The following ACAN variants were observed in gnomAD, a reference collection of about 807,000 sequenced individuals.
ACAN encodes aggrecan, also known as aggrecan core protein.
ACAN carries 47 observed loss-of-function variants against 169.1 expected under a neutral mutation model. The ratio of observed to expected loss-of-function variants is 0.28; its 90% CI spans 0.22 to 0.35. ACAN has a LOEUF of 0.35. Ranked by LOEUF, ACAN falls within the 10% of genes least tolerant of loss-of-function variation. The pLI is 1.00. For missense variants in ACAN, 2,716 were observed against 2,759.9 expected, an observed-to-expected ratio of 0.98 and a Z score of 0.36; for synonymous variants, 1,115 against 1,112.2, an observed-to-expected ratio of 1.00 and a Z score of -0.05.
chr15:88,872,886 T>G lies in ACAN; in HGVS notation c.7308T>G (p.Phe2436Leu). The G allele has an allele frequency of 6.2e-7, 1 of 1,613,476 alleles. No individual in the cohort carries two copies. The highest frequency in any genetic ancestry group is 8.5e-7 in the Non-Finnish European group (1 of 1,179,860). ...FRWSDGHPMQ[F>L]ENWRPNQPDN... ...TTCCCCACTCCCACCCACAGCAATT[T>G]GAGAACTGGCGCCCCAACCAGCCTG... Residue 2436 changes from phenylalanine (F) to leucine (L), a missense_variant, in exon 17 of 19, where the codon TTT becomes TTG. Phe to Leu is a conservative substitution (Grantham distance 22, BLOSUM62 0). Transcript: ENST00000560601. The surrounding 1 kb of genome is among the most constrained non-coding windows in gnomAD (Gnocchi z 5.4).
rs770783402 is a variant in ACAN at position 88,857,005 on chromosome 15, G to A, written c.4420G>A (p.Gly1474Arg). Reference protein sequence around the residue: ...VGDLSGLPSGGEVLEISVSGV... With the variant: ...VGDLSGLPSGREVLEISVSGV... Reference sequence around the variant, plus strand: ...GGACCTCAGTGGACTTCCTTCTGGAGGAGAAGTTCTAGAGATTTCTGTCTC... The same window carrying A: ...GGACCTCAGTGGACTTCCTTCTGGAAGAGAAGTTCTAGAGATTTCTGTCTC... Residue 1474 changes from glycine (G) to arginine (R), a missense_variant, in exon 12 of 19, where the codon GGA becomes AGA. Physicochemically the swap from Gly to Arg is moderately radical, Grantham distance 125. Coordinates refer to ENST00000560601, the MANE Select transcript of ACAN (RefSeq NM_001369268.1). 7.4e-6 allele frequency: 12 copies of A among 1,613,246 alleles called. No homozygotes were observed. Among genetic ancestry groups the A allele is most frequent in the Non-Finnish European group, 9.3e-6 (11 of 1,179,442 alleles).
chr15:88,843,898 C>T lies in ACAN; in HGVS notation c.1051+250C>T, dbSNP rs1401694331. Among the ~76,000 whole-genome samples, 1 of 152,172 alleles carries T rather than the reference C, an allele frequency of 6.6e-6. No individual in the cohort carries two copies. Among genetic ancestry groups the T allele is most frequent in the African/African-American group, 2.4e-5 (1 of 41,442 alleles). On this transcript the variant is annotated intron_variant, in intron 6 of 18. Transcript: ENST00000560601. The surrounding 1 kb of genome is among the most constrained non-coding windows in gnomAD (Gnocchi z 4.0). ...AGCACAGACGAGGCTTAAAAACCTCCAAACTGTTTTCTCCAGTTTGAATCA... is the reference window on the plus strand; with the variant it reads ...AGCACAGACGAGGCTTAAAAACCTCTAAACTGTTTTCTCCAGTTTGAATCA...
At position 88,855,124 on chromosome 15, in the gene ACAN, C is replaced by G. The variant is rs372267862; in HGVS notation, c.2539C>G (p.Pro847Ala). 2.9e-5 allele frequency: 47 copies of G among 1,607,296 alleles called. No homozygotes were observed. Among genetic ancestry groups the G allele is most frequent in the Non-Finnish European group, 3.7e-5 (43 of 1,176,444 alleles). ...ASEEPYTPSP[P>A]VPSWTELPSS... Reference sequence around the variant, plus strand: ...GGAAGAGCCGTATACACCTTCACCCCCCGTGCCCAGCTGGACTGAGCTGCC... The same window carrying G: ...GGAAGAGCCGTATACACCTTCACCCGCCGTGCCCAGCTGGACTGAGCTGCC... Residue 847 changes from proline to alanine, a missense_variant, in exon 12 of 19, where the codon CCC (proline) becomes GCC (alanine). Pro to Ala is a conservative substitution (Grantham distance 27). Around this residue, in one of 3 missense-constraint regions of ACAN, gnomAD observed 1,283 missense variants for 1,281.5 expected, o/e 1.00. Coordinates refer to ENST00000560601, the MANE Select transcript of ACAN (RefSeq NM_001369268.1).
chr15:88,858,931 G>A lies in ACAN; in HGVS notation c.6346G>A (p.Ala2116Thr), dbSNP rs747312001. The A allele has an allele frequency of 2.7e-5, 44 of 1,609,588 alleles. No individual in the cohort carries two copies. Among genetic ancestry groups the A allele is most frequent in the Admixed American group, 2.0e-4 (12 of 59,778 alleles). ...TGAAGCTGGGTTCGGGGCATCTGCC[G>A]CCCCTGAGGCCAGCAGAGAAGATTC... ...YPEAGFGASA[A>T]PEASREDSGS... The change falls in exon 12 of 19, where the codon GCC becomes ACC. Residue 2116 changes from alanine (A) to threonine (T), a missense_variant. Transcript: ENST00000560601. The surrounding 1 kb of genome is among the most constrained non-coding windows in gnomAD (Gnocchi z 4.0).
In ACAN at chr15:88,843,776, T is replaced by C; in HGVS notation, c.1051+128T>C. ...GGGGCCACGGGGTACCTGAACCCCA[T>C]GTTTTTAGGACACCCCTCCATTTTC... On this transcript the variant is annotated intron_variant, in intron 6 of 18. Transcript: ENST00000560601. The surrounding 1 kb of genome is among the most constrained non-coding windows in gnomAD (Gnocchi z 4.0). 7.5e-6 allele frequency: 9 copies of C among 1,192,448 alleles called. No homozygotes were observed. Among genetic ancestry groups the C allele is most frequent in the South Asian group, 1.7e-5 (1 of 57,824 alleles). The allele number at this position is 1,192,448 out of a possible 1,614,324, so 73.9% of individuals were successfully genotyped here. A position where few individuals can be genotyped will look rare whatever the true frequency, so the allele number is the denominator to read the frequency against.
intron 1 of ACAN, among the ~76,000 whole-genome samples, chr15:88,818,670 G>T (rs911990438): frequency 6.6e-6 from 1 of 152,168 alleles, no homozygotes; most frequent in Non-Finnish European, 1.5e-5. Context: ...GGTTGTGTTG[G>T]ACTCATTGGA....
chr15:88,871,444 G>C lies in ACAN; in HGVS notation c.7123G>C (p.Asp2375His), dbSNP rs772883781. 2.8e-5 allele frequency: 45 copies of C among 1,613,840 alleles called. No homozygotes were observed. In the East Asian group the frequency reaches 6.2e-4, roughly 22 times the overall value. ...YQGHCYRHFP[D>H]RETWVDAERR... ...GGGCCACTGTTACCGCCACTTCCCGGACCGCGAGACCTGGGTGGATGCTGA... is the reference window on the plus strand; with the variant it reads ...GGGCCACTGTTACCGCCACTTCCCGCACCGCGAGACCTGGGTGGATGCTGA... Residue 2375 changes from aspartate to histidine, a missense_variant, in exon 15 of 19, where the codon GAC becomes CAC. Physicochemically the swap from Asp to His is moderately conservative, Grantham distance 81. Transcript: ENST00000560601. This position sits in a 1 kb window ranked among gnomAD's most constrained non-coding sequence, Gnocchi z 7.8.
At chr15:88,831,320 C>T (rs1447707223) in intron 1 of ACAN, among the ~76,000 whole-genome samples, 1 of 152,212 alleles carries the variant, frequency 6.6e-6, no homozygotes, top group Non-Finnish European at 1.5e-5. Context: ...TATCATTAAT[C>T]AATACAGCCA....
intron 1 of ACAN, among the ~76,000 whole-genome samples, chr15:88,811,150 T>A (rs751472422): frequency 2.0e-5 from 3 of 152,224 alleles, no homozygotes; most frequent in Non-Finnish European, 4.4e-5. Flanking sequence ...GAAAAGGATC[T>A]CATCCCTCAG....
Position 88,847,227 on chromosome 15 carries a change from C to T in ACAN, c.1430-16C>T, listed in dbSNP as rs745651058. 3 of 1,533,780 alleles carry T rather than the reference C, an allele frequency of 2.0e-6. No individual in the cohort carries two copies. The highest frequency in any genetic ancestry group is 2.7e-5 in the African/African-American group (2 of 72,788). ...CGTGGGTCCCTGAACCTGACCGCTC[C>T]CTCCTCCCCACCCAGGGGTCGTCTT... On this transcript the variant is annotated splice_polypyrimidine_tract_variant and intron_variant, in intron 7 of 18. Transcript: ENST00000560601.
chr15:88,836,156 A>G, intron 1 of ACAN, 44 bp from the exon 2 acceptor site: 1 of 1,433,420 alleles, frequency 7.0e-7, no homozygotes, highest in Non-Finnish European at 9.8e-7. Context: ...TGACCTCACC[A>G]TGCCTTCACT....
chr15:88,832,303 T>TAA (rs149428400), intron 1 of ACAN, among the ~76,000 whole-genome samples: 3,073 of 137,562 alleles, frequency 0.022, 102 homozygotes, highest in African/African-American at 0.077. Flanking sequence ...GTAGATACCT[T>TAA]AAAAAAAAAA....
Position 88,844,975 on chromosome 15 carries a change from T to C in ACAN, c.1052-530T>C, listed in dbSNP as rs546417185. On this transcript the variant is annotated intron_variant, in intron 6 of 18. Coordinates refer to ENST00000560601, the MANE Select transcript of ACAN (RefSeq NM_001369268.1). ...CCCCTCGAAGCCTCTCTTAACCTTT[T>C]GGTATTCTAACCACTCTTTTGGAAG... Among the ~76,000 whole-genome samples the C allele has an allele frequency of 9.8e-5, 15 of 152,340 alleles. No individual in the cohort carries two copies. In the South Asian group the frequency reaches 3.1e-3, roughly 32 times the overall value.
intron 1 of ACAN, among the ~76,000 whole-genome samples, chr15:88,824,330 ACAAC>A (rs752421375): frequency 1.3e-5 from 2 of 149,618 alleles, no homozygotes; most frequent in African/African-American, 4.9e-5. Flanking sequence ...AAAAAAAAAA[ACAAC>A]AACAACAACA....
intron 1 of ACAN, among the ~76,000 whole-genome samples, chr15:88,824,291 T>C (rs556530618): frequency 0.015 from 2,170 of 149,596 alleles, 55 homozygotes; most frequent in African/African-American, 0.05. Flanking sequence ...GCCACTGCAC[T>C]CCCGGGTGAC....
chr15:88,859,484 A>G, intron 12 of ACAN, 67 bp downstream of exon 12: 2 of 1,546,904 alleles, frequency 1.3e-6, no homozygotes, highest in Non-Finnish European at 1.7e-6. Flanking sequence ...TGCAGCACAG[A>G]AGGAGGCAGC....
At chr15:88,836,858 C>T (rs1233557281) in intron 2 of ACAN, among the ~76,000 whole-genome samples, 4 of 152,176 alleles carry the variant, frequency 2.6e-5, no homozygotes, top group Non-Finnish European at 4.4e-5. Context: ...TGGGCTTGAC[C>T]CCAGAAGGGA....
Position 88,860,318 on chromosome 15 carries a change from G to A in ACAN, c.6833-8G>A, listed in dbSNP as rs1336593473. On this transcript the variant is annotated splice_region_variant and splice_polypyrimidine_tract_variant and intron_variant, in intron 12 of 18. Transcript: ENST00000560601. Reference sequence around the variant, plus strand: ...CTTGATGCTCAACCTCTCCCCTGGGGGTTGCAGCCCCCGCCAGGTCCTGTG... The same window carrying A: ...CTTGATGCTCAACCTCTCCCCTGGGAGTTGCAGCCCCCGCCAGGTCCTGTG... 6.2e-7 allele frequency: 1 copy of A among 1,600,882 alleles called. No individual in the cohort carries two copies. Among genetic ancestry groups the A allele is most frequent in the Non-Finnish European group, 8.5e-7 (1 of 1,173,172 alleles).
rs1034516789 is a variant in ACAN, at chr15:88,814,805, C to G, written c.-8+10996C>G. 1.3e-5 allele frequency among the ~76,000 whole-genome samples: 2 copies of G among 152,208 alleles called. No individual in the cohort carries two copies. Among genetic ancestry groups the G allele is most frequent in the Non-Finnish European group, 2.9e-5 (2 of 68,032 alleles). On this transcript the variant is annotated intron_variant, in intron 1 of 18. Transcript: ENST00000560601. The surrounding 1 kb of genome is among the most constrained non-coding windows in gnomAD (Gnocchi z 4.0). ...CTGCTAGCCAGCATGTCCATGCTAT[C>G]AGGAAGCTTGTGAGGCAGGAGGTGC...
Sources: allele counts gnomAD v4.1 joint callset (sites outside exome capture counted in the v4.1 genomes callset), GRCh38; gene constraint gnomAD v4.1.1; regional missense constraint gnomAD v4.1.1; non-coding constraint Gnocchi (gnomAD v3.1); transcripts MANE v1.5; gene names NCBI Gene and HGNC (gene_info 2026-07-23, HGNC 2026-07-21).